EHMT1: variants seen among roughly 807,000 people sequenced by gnomAD.
EHMT1 encodes the protein euchromatic histone lysine methyltransferase 1.
A neutral mutation model predicts 147.2 loss-of-function variants in EHMT1; 15 were observed. The ratio of observed to expected loss-of-function variants is 0.10; its 90% CI spans 0.07 to 0.16. EHMT1 has a LOEUF of 0.16. EHMT1 is among the 10% of genes least tolerant of loss of function. The probability of loss-of-function intolerance (pLI) is 1.00; values close to 1 mark genes in which losing one functional copy is unlikely to be tolerated. For missense variants in EHMT1, 1,587 were observed against 1,772.4 expected, an observed-to-expected ratio of 0.90 and a Z score of 1.88; for synonymous variants, 795 against 709.6, an observed-to-expected ratio of 1.12 and a Z score of -1.91.
At chr9:137,668,959 T>G (rs568285158) in intron 1 of EHMT1, among the ~76,000 whole-genome samples, 3 of 152,288 alleles carry the variant, frequency 2.0e-5, no homozygotes, top group East Asian at 3.9e-4. Context: ...CAATCTCAGC[T>G]CACTGCAAGC....
chr9:137,735,000 T>G (rs1338018112), intron 4 of EHMT1, among the ~76,000 whole-genome samples: 3 of 152,250 alleles, frequency 2.0e-5, no homozygotes, highest in African/African-American at 4.8e-5. Context: ...TGAAGCCATA[T>G]GGAGAAGTAA....
intron 1 of EHMT1, among the ~76,000 whole-genome samples, chr9:137,639,488 CTA>C (rs1173346142): frequency 2.0e-5 from 3 of 152,116 alleles, no homozygotes; most frequent in African/African-American, 4.8e-5. Flanking sequence ...TGTTTTGAGA[CTA>C]TGTTATCTTG....
chr9:137,769,347 A>G (rs940210891), intron 10 of EHMT1, among the ~76,000 whole-genome samples: 1 of 152,144 alleles, frequency 6.6e-6, no homozygotes, highest in African/African-American at 2.4e-5. Flanking sequence ...TTTGTATCCA[A>G]ATTTCTGTCT....
intron 18 of EHMT1, among the ~76,000 whole-genome samples, chr9:137,803,733 C>T (rs1216608435): frequency 1.3e-5 from 2 of 151,902 alleles, no homozygotes; most frequent in Non-Finnish European, 2.9e-5. Context: ...CACCTGTGGT[C>T]CCAGGTACTC....
intron 3 of EHMT1, among the ~76,000 whole-genome samples, chr9:137,720,887 TG>T (rs1025259367): frequency 1.3e-5 from 2 of 152,102 alleles, no homozygotes; most frequent in Non-Finnish European, 2.9e-5. Context: ...GCATAATCAC[TG>T]GGTTCTATGG....
intron 13 of EHMT1, 38 bp downstream of exon 13, chr9:137,778,093 C>T: frequency 6.2e-7 from 1 of 1,613,038 alleles, no homozygotes; most frequent in African/African-American, 1.3e-5. Context: ...TGTCTCAGAG[C>T]CTGTTTTAAT....
chr9:137,808,426 T>C (rs1954132565), intron 18 of EHMT1, among the ~76,000 whole-genome samples: 1 of 152,194 alleles, frequency 6.6e-6, no homozygotes, highest in Admixed American at 6.5e-5. Context: ...GCCTGGTGTC[T>C]GGTGTCTTGA....
chr9:137,668,729 T>G (rs1940004714), intron 1 of EHMT1, among the ~76,000 whole-genome samples: 1 of 113,860 alleles, frequency 8.8e-6, no homozygotes, highest in Non-Finnish European at 1.7e-5. Context: ...TAACTTAGTG[T>G]TTTCTTTTTT....
chr9:137,711,138 A>G (rs936902384), intron 2 of EHMT1, 108 bp downstream of exon 2: 42 of 1,199,812 alleles, frequency 3.5e-5, no homozygotes, highest in Non-Finnish European at 4.5e-5. Context: ...TCTTTGCTTC[A>G]CCTAGGTTTA....
chr9:137,620,554 A>T (rs1276542350), intron 1 of EHMT1, among the ~76,000 whole-genome samples: 1 of 151,936 alleles, frequency 6.6e-6, no homozygotes, highest in Non-Finnish European at 1.5e-5. Flanking sequence ...CACCTGGCCA[A>T]TTTTTTTGTA....
At chr9:137,738,587 T>C (rs1022318839) in intron 4 of EHMT1, 6 of 152,102 alleles carry the variant, frequency 3.9e-5, no homozygotes, top group African/African-American at 1.4e-4. Flanking sequence ...GAGATGCTTG[T>C]ACACCCACGT....
Position 137,817,169 on chromosome 9 carries a change from C to G in EHMT1, c.3375-270C>G, listed in dbSNP as rs1435962486. ...TAGTGGCCCAGGCCCAGCTCTGTCC[C>G]CATGTTACAGATGGGGACACCGAGC... is the stretch of plus-strand genomic sequence containing the variant. On this transcript the variant is annotated intron_variant, in intron 23 of 26. Transcript: ENST00000460843. The G allele has an allele frequency of 7.4e-6, 4 of 539,246 alleles. No homozygotes were observed. In the African/African-American group the frequency reaches 7.6e-5, roughly 10 times the overall value. The allele number at this position is 539,246 out of a possible 1,614,324, so 33.4% of individuals were successfully genotyped here.
intron 10 of EHMT1, among the ~76,000 whole-genome samples, chr9:137,772,996 T>G (rs573286805): frequency 1.4e-4 from 22 of 152,328 alleles, no homozygotes; most frequent in Non-Finnish European, 2.5e-4. Context: ...CTGTGTTTCC[T>G]TCTTACACAG....
At chr9:137,744,995 C>T (rs1948426874) in intron 6 of EHMT1, among the ~76,000 whole-genome samples, 1 of 152,230 alleles carries the variant, frequency 6.6e-6, no homozygotes, top group South Asian at 2.1e-4. Context: ...TAAGGACGAA[C>T]AGTGGAAAGT....
Position 137,776,529 on chromosome 9 carries a change from G to A in EHMT1, c.1792-89G>A, listed in dbSNP as rs1307124588. Reference sequence around the variant, plus strand: ...GCTCACTCTGCAGACCGCCCGATGTGGGATGCGGTGCCAGTTTAGTAGTAC... The same window carrying A: ...GCTCACTCTGCAGACCGCCCGATGTAGGATGCGGTGCCAGTTTAGTAGTAC... On this transcript the variant is annotated intron_variant, in intron 11 of 26. Coordinates refer to ENST00000460843, the MANE Select transcript of EHMT1 (RefSeq NM_024757.5). This position sits in a 1 kb window ranked among gnomAD's most constrained non-coding sequence, Gnocchi z 4.4. 6 of 1,338,810 alleles carry A rather than the reference G, an allele frequency of 4.5e-6. No homozygotes were observed. The highest frequency in any genetic ancestry group is 6.3e-6 in the Non-Finnish European group (6 of 952,158). 82.9% of individuals were successfully genotyped at this position (1,338,810 alleles called of 1,614,324 possible).
chr9:137,698,675 C>T (rs1055907009), intron 1 of EHMT1, among the ~76,000 whole-genome samples: 3 of 152,170 alleles, frequency 2.0e-5, no homozygotes, highest in Non-Finnish European at 4.4e-5. Flanking sequence ...TTACCAGCAG[C>T]CATGAAACCA....
At chr9:137,639,888 C>G (rs765319927) in intron 1 of EHMT1, among the ~76,000 whole-genome samples, 3 of 152,214 alleles carry the variant, frequency 2.0e-5, no homozygotes, top group African/African-American at 7.2e-5. Context: ...ATCAGAATGC[C>G]CACTCAACCC....
intron 1 of EHMT1, among the ~76,000 whole-genome samples, chr9:137,663,884 G>A (rs1430733074): frequency 1.3e-5 from 2 of 152,152 alleles, no homozygotes; most frequent in Admixed American, 1.3e-4. Flanking sequence ...TAGTATATCT[G>A]TAGAGTAAGC....
At chr9:137,754,051 T>C in intron 7 of EHMT1, 120 bp from the exon 8 acceptor site, 1 of 1,533,188 alleles carries the variant, frequency 6.5e-7, no homozygotes, top group South Asian at 1.1e-5. Context: ...AAGTTCACCG[T>C]TTAATTGAAG....
Sources: allele counts gnomAD v4.1 joint callset (sites outside exome capture counted in the v4.1 genomes callset), GRCh38; gene constraint gnomAD v4.1.1; non-coding constraint Gnocchi (gnomAD v3.1); transcripts MANE v1.5; gene names NCBI Gene and HGNC (gene_info 2026-07-23, HGNC 2026-07-21).